The following ABI3BP variants were observed in gnomAD, a reference collection of about 807,000 sequenced individuals.
The protein encoded by ABI3BP is target of Nesh-SH3.
ABI3BP carries 216 observed loss-of-function variants against 268.6 expected under a neutral mutation model. The ratio of observed to expected loss-of-function variants is 0.80; its 90% CI spans 0.72 to 0.90. The LOEUF is 0.90. ABI3BP is among the 40% of genes least tolerant of loss of function. The pLI is 0.00. For missense variants in ABI3BP, 2,090 were observed against 2,182.4 expected, an observed-to-expected ratio of 0.96 and a Z score of 0.84; for synonymous variants, 730 against 730.0, an observed-to-expected ratio of 1.00 and a Z score of 0.00.
At chr3:100,909,470 T>C (rs936455960) in intron 2 of ABI3BP, among the ~76,000 whole-genome samples, 1 of 151,620 alleles carries the variant, frequency 6.6e-6, no homozygotes, top group Non-Finnish European at 1.5e-5. Flanking sequence ...ACCATCAGAG[T>C]GAACAGGCAC....
At chr3:100,791,017 T>C (rs2097183477) in intron 55 of ABI3BP, among the ~76,000 whole-genome samples, 1 of 151,894 alleles carries the variant, frequency 6.6e-6, no homozygotes, top group Non-Finnish European at 1.5e-5. Context: ...TTAAATATAA[T>C]TTAAGTTTAG....
chr3:100,833,020 A>C (rs2098518795), intron 30 of ABI3BP, 105 bp downstream of exon 30: 7 of 977,768 alleles, frequency 7.2e-6, no homozygotes, highest in South Asian at 1.7e-5. Context: ...TGAATACTGT[A>C]ATGAGATGAC....
chr3:100,800,535 G>A (rs2097503153), intron 51 of ABI3BP, among the ~76,000 whole-genome samples: 1 of 152,122 alleles, frequency 6.6e-6, no homozygotes, highest in Non-Finnish European at 1.5e-5. Context: ...GTGCAGTGGT[G>A]TGATCTCGGC....
intron 67 of ABI3BP, among the ~76,000 whole-genome samples, chr3:100,751,331 T>C (rs2095313630): frequency 1.3e-5 from 2 of 152,198 alleles, no homozygotes; most frequent in African/African-American, 4.8e-5. Flanking sequence ...TTTGCAAGTT[T>C]AGAGTTTCTT....
chr3:100,839,528 A>G, intron 24 of ABI3BP, 41 bp downstream of exon 24: 6 of 1,532,650 alleles, frequency 3.9e-6, no homozygotes, highest in Non-Finnish European at 5.2e-6. Context: ...AGCAAAAGCT[A>G]CAACCCGTGA....
intron 2 of ABI3BP, among the ~76,000 whole-genome samples, chr3:100,908,059 T>C (rs1056196874): frequency 6.7e-6 from 1 of 149,208 alleles, no homozygotes; most frequent in African/African-American, 2.5e-5. Context: ...GAAGTTGCAG[T>C]GAGCCGAGAT....
At chr3:100,910,690 T>G (rs901128557) in intron 2 of ABI3BP, among the ~76,000 whole-genome samples, 1 of 152,138 alleles carries the variant, frequency 6.6e-6, no homozygotes, top group Non-Finnish European at 1.5e-5. Context: ...TTTCCAGTTA[T>G]AAAGAATGTG....
intron 20 of ABI3BP, among the ~76,000 whole-genome samples, chr3:100,845,845 C>CT (rs36046418): frequency 0.087 from 12,269 of 140,848 alleles, 596 homozygotes; most frequent in African/African-American, 0.11. Flanking sequence ...CAAAAGCAGC[C>CT]TTTTTTTTTT....
Position 100,804,800 on chromosome 3 carries a change from G to C in ABI3BP, c.3749C>G (p.Thr1250Ser). 6.2e-7 allele frequency: 1 copy of C among 1,612,814 alleles called. No homozygotes were observed. The highest frequency in any genetic ancestry group is 2.2e-5 in the East Asian group (1 of 44,836). The change falls in exon 51 of 68, where the codon ACC becomes AGC. Residue 1250 changes from threonine to serine, a missense_variant. Transcript: ENST00000471714. Reference sequence around the variant, plus strand: ...TGAAATAAAGCATTTACCAGGTGTGGTGTATGACACTTCTGGACTTGGTGA... The same window carrying C: ...TGAAATAAAGCATTTACCAGGTGTGCTGTATGACACTTCTGGACTTGGTGA... The part of the protein sequence containing the change: ...KTSPSPEVSY[T>S]TPAPKDVLLP...
chr3:100,807,813 T>C (rs1276426865), intron 50 of ABI3BP, among the ~76,000 whole-genome samples: 1 of 151,986 alleles, frequency 6.6e-6, no homozygotes, highest in African/African-American at 2.4e-5. Context: ...AATTAGATGA[T>C]TGGCAGAAGG....
chr3:100,847,741 A>G, intron 18 of ABI3BP, 68 bp from the exon 19 acceptor site: 1 of 1,285,054 alleles, frequency 7.8e-7, no homozygotes, highest in African/African-American at 1.5e-5. Context: ...TCTAAAGAGG[A>G]ACTAAATGAT....
rs144929622 is a variant in ABI3BP, at chr3:100,952,995, C to G, written c.80-26514G>C. ...ACTCTTTGACTCTCTCTTTGCATTT[C>G]TAGCTTCTAAAACTTCATCCTGCAT... is the stretch of plus-strand genomic sequence containing the variant. On this transcript the variant is annotated intron_variant, in intron 1 of 67. Coordinates refer to ENST00000471714, the MANE Select transcript of ABI3BP (RefSeq NM_001375547.2). Among the ~76,000 whole-genome samples the G allele has an allele frequency of 2.3e-3, 348 of 152,284 alleles. 1 individual carries two copies. The highest frequency in any genetic ancestry group is 7.8e-3 in the African/African-American group (325 of 41,572).
At chr3:100,972,609 A>G (rs2084136755) in intron 1 of ABI3BP, among the ~76,000 whole-genome samples, 1 of 152,242 alleles carries the variant, frequency 6.6e-6, no homozygotes, top group Non-Finnish European at 1.5e-5. Flanking sequence ...TTTGAGGCAC[A>G]GAGAGTGAAG....
intron 29 of ABI3BP, among the ~76,000 whole-genome samples, chr3:100,833,923 C>G (rs1324728452): frequency 1.3e-5 from 2 of 152,154 alleles, no homozygotes; most frequent in Non-Finnish European, 2.9e-5. Context: ...ACCTTCCTGC[C>G]TCTGTTTATA....
intron 34 of ABI3BP, 52 bp downstream of exon 34, chr3:100,828,341 G>C (rs1241977270): frequency 2.1e-6 from 3 of 1,463,282 alleles, no homozygotes; most frequent in Admixed American, 4.0e-5. Flanking sequence ...AGTGGAATAA[G>C]CTTGACAGTG....
chr3:100,843,507 G>T, intron 20 of ABI3BP: 2 of 958,176 alleles, frequency 2.1e-6, no homozygotes, highest in Non-Finnish European at 2.5e-6. Flanking sequence ...AAGAAAGAGA[G>T]GGAGGGAGAG....
intron 54 of ABI3BP, among the ~76,000 whole-genome samples, chr3:100,793,156 G>T (rs191521685): frequency 2.6e-5 from 4 of 151,856 alleles, no homozygotes; most frequent in Admixed American, 2.6e-4. Context: ...AGCTGGAAAG[G>T]AAGTATATCA....
intron 4 of ABI3BP, among the ~76,000 whole-genome samples, chr3:100,895,650 A>G (rs879382379): frequency 1.9e-4 from 29 of 152,218 alleles, no homozygotes; most frequent in Non-Finnish European, 1.9e-4. Flanking sequence ...TCAGATTGCA[A>G]TGGTTTTGTA....
At chr3:100,758,306 A>G (rs2095747013) in intron 63 of ABI3BP, among the ~76,000 whole-genome samples, 1 of 152,358 alleles carries the variant, frequency 6.6e-6, no homozygotes, top group Middle Eastern at 3.4e-3. Context: ...ACTATTCGTT[A>G]TAGTAATTAT....
Sources: gnomAD v4.1 joint callset for allele counts (sites outside exome capture counted in the v4.1 genomes callset) on GRCh38, gnomAD v4.1.1 for gene constraint, MANE v1.5 for transcripts, NCBI Gene and HGNC (gene_info 2026-07-23, HGNC 2026-07-21) for gene names.